The following OXCT1 variants were observed in gnomAD, a reference collection of about 807,000 sequenced individuals.
The protein encoded by OXCT1 is succinyl-CoA:3-ketoacid coenzyme A transferase 1, mitochondrial.
In OXCT1, 27 loss-of-function variants were observed where a neutral mutation model predicts 69.6. The observed-to-expected ratio is 0.39, with a 90% confidence interval of 0.29 to 0.54. The LOEUF (loss-of-function observed/expected upper bound fraction) is 0.54. OXCT1 is among the 20% of genes least tolerant of loss of function. The pLI, the probability that OXCT1 is intolerant of heterozygous loss-of-function variation, is 0.72. For missense variants in OXCT1, 437 were observed against 650.2 expected (o/e 0.67, Z 3.57); for synonymous variants, 202 against 217.8 (o/e 0.93, Z 0.64).
chr5:41,739,372 G>C lies in OXCT1; in HGVS notation c.1521+18C>G, dbSNP rs375777925. The C allele has an allele frequency of 3.8e-5, 56 of 1,492,290 alleles. No homozygotes were observed. The highest frequency in any genetic ancestry group is 3.3e-4 in the Admixed American group (20 of 59,846). The allele number at this position is 1,492,290 out of a possible 1,614,324, so 92.4% of individuals were successfully genotyped here. On this transcript the variant is annotated intron_variant, in intron 16 of 16. Transcript: ENST00000196371. ...TAATATAAGACAAGTGTCTGGATTT[G>C]TTCACAGAAATACTTACTGCAAAAT...
intron 13 of OXCT1, among the ~76,000 whole-genome samples, chr5:41,786,601 A>ACT (rs1480003874): frequency 1.3e-5 from 2 of 152,338 alleles, no homozygotes; most frequent in East Asian, 3.9e-4. Context: ...AATTAAAGTC[A>ACT]CTTAAGAGCT....
Position 41,842,794 on chromosome 5 carries a change from G to A in OXCT1, c.565-13C>T, listed in dbSNP as rs370659097. On this transcript the variant is annotated splice_polypyrimidine_tract_variant and intron_variant, in intron 5 of 16. Transcript: ENST00000196371. ...TGAACTCCCTCACCTGCAGAAGAGG[G>A]AGAAGGCATCATCAGGTATTTGCAT... 3.6e-4 allele frequency: 556 copies of A among 1,536,994 alleles called. No homozygotes were observed. The highest frequency in any genetic ancestry group is 3.9e-4 in the Non-Finnish European group (438 of 1,110,032).
At chr5:41,790,169 G>A (rs1579742111) in intron 13 of OXCT1, among the ~76,000 whole-genome samples, 2 of 152,162 alleles carry the variant, frequency 1.3e-5, no homozygotes, top group East Asian at 1.9e-4. Context: ...ACGTACTGCA[G>A]CCCTGTCCAG....
intron 7 of OXCT1, among the ~76,000 whole-genome samples, chr5:41,818,057 G>A (rs1356670927): frequency 6.6e-6 from 1 of 152,126 alleles, no homozygotes; most frequent in Non-Finnish European, 1.5e-5. Flanking sequence ...TGTATGTTTT[G>A]AACCTGCTGA....
At chr5:41,781,717 G>A (rs1745410154) in intron 13 of OXCT1, among the ~76,000 whole-genome samples, 1 of 152,098 alleles carries the variant, frequency 6.6e-6, no homozygotes, top group Non-Finnish European at 1.5e-5. Flanking sequence ...TTGGTTTTCT[G>A]TTCCTGCGTT....
chr5:41,840,592 TTAGAATTTCTATGAA>T, intron 6 of OXCT1, 81 bp from the exon 7 acceptor site: 1 of 809,982 alleles, frequency 1.2e-6, no homozygotes, highest in Non-Finnish European at 2.1e-6. Context: ...GTTTTATAGA[TTAGAATTTCTATGAA>T]CTAAGAATCT....
chr5:41,779,507 A>G (rs897992766), intron 13 of OXCT1, among the ~76,000 whole-genome samples: 1 of 152,216 alleles, frequency 6.6e-6, no homozygotes, highest in Non-Finnish European at 1.5e-5. Context: ...TTAGACCAAC[A>G]GAGAGAAAGT....
At chr5:41,732,719 A>G (rs1414244948) in intron 16 of OXCT1, among the ~76,000 whole-genome samples, 1 of 152,258 alleles carries the variant, frequency 6.6e-6, no homozygotes, top group African/African-American at 2.4e-5. Context: ...TAAATGAACA[A>G]ATGAATGAAT....
intron 14 of OXCT1, among the ~76,000 whole-genome samples, chr5:41,756,144 C>G (rs1744059853): frequency 6.6e-6 from 1 of 152,050 alleles, no homozygotes; most frequent in Admixed American, 6.6e-5. Context: ...ATCCAGACCT[C>G]CTATTGTAAT....
intron 7 of OXCT1, among the ~76,000 whole-genome samples, chr5:41,824,668 G>A (rs1405259742): frequency 6.6e-6 from 1 of 152,150 alleles, no homozygotes; most frequent in Non-Finnish European, 1.5e-5. Flanking sequence ...ACTTTTTATA[G>A]CAGAAGCTGA....
chr5:41,840,127 C>CA (rs1233408705), intron 7 of OXCT1, among the ~76,000 whole-genome samples: 2 of 152,140 alleles, frequency 1.3e-5, no homozygotes, highest in African/African-American at 4.8e-5. Context: ...TACTGTTTTC[C>CA]AGGGATTCCA....
rs1750231671 is a variant in OXCT1 at position 41,870,311 on chromosome 5, A to G, written c.48T>C (p.Ser16=). 1 of 1,613,986 alleles carries G rather than the reference A, an allele frequency of 6.2e-7. No homozygotes were observed. The highest frequency in any genetic ancestry group is 1.7e-5 in the Admixed American group (1 of 60,034). Residue 16 remains serine, a synonymous_variant, in exon 1 of 17, where the codon TCT becomes TCC. Coordinates refer to ENST00000196371, the MANE Select transcript of OXCT1 (RefSeq NM_000436.4). The surrounding 1 kb of genome is among the most constrained non-coding windows in gnomAD (Gnocchi z 4.2). ...LLSSGLRLCA[S]ARGSGATWYK... is the part of the protein sequence containing the mutation. ...ACCAGGTTGCCCCAGATCCGCGGGCAGAGGCGCAGAGCCGAAGCCCGGAGG... is the reference window on the plus strand; with the variant it reads ...ACCAGGTTGCCCCAGATCCGCGGGCGGAGGCGCAGAGCCGAAGCCCGGAGG...
At chr5:41,853,624 T>G (rs765954251) in intron 3 of OXCT1, 70 bp from the exon 4 acceptor site, 2 of 1,495,790 alleles carry the variant, frequency 1.3e-6, no homozygotes, top group Non-Finnish European at 1.8e-6. Flanking sequence ...TTTAAAGAGA[T>G]AAAACTTTGT....
intron 14 of OXCT1, among the ~76,000 whole-genome samples, chr5:41,761,061 C>G (rs954278470): frequency 5.9e-5 from 9 of 151,972 alleles, no homozygotes; most frequent in Non-Finnish European, 1.2e-4. Context: ...GATTTTAAAA[C>G]TAAGAATGAT....
At chr5:41,851,569 C>T (rs1201624570) in intron 4 of OXCT1, among the ~76,000 whole-genome samples, 6 of 152,118 alleles carry the variant, frequency 3.9e-5, no homozygotes, top group Non-Finnish European at 8.8e-5. Flanking sequence ...CTTACCCTCA[C>T]CCACCAAAGA....
chr5:41,753,906 T>C (rs1743933019), intron 14 of OXCT1, among the ~76,000 whole-genome samples: 1 of 152,108 alleles, frequency 6.6e-6, no homozygotes, highest in Non-Finnish European at 1.5e-5. Context: ...CGTACATTCC[T>C]AGTATCTCTG....
intron 4 of OXCT1, among the ~76,000 whole-genome samples, chr5:41,851,659 C>T (rs367819797): frequency 1.1e-4 from 16 of 151,918 alleles, no homozygotes; most frequent in East Asian, 3.9e-4. Context: ...TGTTTACTAA[C>T]GGGCCACTAA....
intron 4 of OXCT1, among the ~76,000 whole-genome samples, chr5:41,852,712 C>G (rs1749237461): frequency 6.6e-6 from 1 of 152,162 alleles, no homozygotes; most frequent in Non-Finnish European, 1.5e-5. Flanking sequence ...GTCACATGCA[C>G]CTTTCAAGGG....
chr5:41,739,091 T>C (rs1012690486), intron 16 of OXCT1, among the ~76,000 whole-genome samples: 4 of 152,334 alleles, frequency 2.6e-5, no homozygotes, highest in Admixed American at 2.6e-4. Flanking sequence ...AACAGGGGAT[T>C]ACAAGGGCCT....
Sources: allele counts gnomAD v4.1 joint callset (sites outside exome capture counted in the v4.1 genomes callset), GRCh38; gene constraint gnomAD v4.1.1; non-coding constraint Gnocchi (gnomAD v3.1); transcripts MANE v1.5; gene names NCBI Gene and HGNC (gene_info 2026-07-23, HGNC 2026-07-21).